The following TANGO6 variants were observed in gnomAD, a reference collection of about 807,000 sequenced individuals.
TANGO6 encodes transport and Golgi organization protein 6 homolog.
Under a neutral mutation model 114.2 loss-of-function variants are expected in TANGO6, and 90 were observed. The observed-to-expected ratio is 0.79, with a 90% CI of 0.66 to 0.94. The LOEUF (loss-of-function observed/expected upper bound fraction) is 0.94, where lower values mean the gene tolerates loss of function less well. Ranked by LOEUF, TANGO6 falls within the 40% of genes least tolerant of loss-of-function variation. The pLI is 0.00. For missense variants in TANGO6, 1,274 were observed against 1,315.3 expected (o/e 0.97, Z 0.49); for synonymous variants, 477 against 509.8 (o/e 0.94, Z 0.87).
chr16:68,987,073 A>G (rs1963899698), intron 15 of TANGO6, among the ~76,000 whole-genome samples: 2 of 152,216 alleles, frequency 1.3e-5, no homozygotes, highest in South Asian at 4.1e-4. Context: ...AGTTTTAAAC[A>G]GCTGCATATT....
intron 17 of TANGO6, among the ~76,000 whole-genome samples, chr16:69,068,789 C>G (rs1296103343): frequency 1.3e-5 from 2 of 152,214 alleles, no homozygotes; most frequent in Non-Finnish European, 2.9e-5. Flanking sequence ...TCTTGGCTCA[C>G]TGCAACCTCC....
At chr16:68,989,251 A>AT (rs1014722319) in intron 15 of TANGO6, among the ~76,000 whole-genome samples, 9 of 150,996 alleles carry the variant, frequency 6.0e-5, no homozygotes, top group African/African-American at 2.2e-4. Context: ...CATATATTAG[A>AT]TTTTTTTGTT....
At chr16:68,986,799 G>A (rs1455882426) in intron 15 of TANGO6, among the ~76,000 whole-genome samples, 3 of 152,076 alleles carry the variant, frequency 2.0e-5, no homozygotes, top group Non-Finnish European at 2.9e-5. Flanking sequence ...CAGCTACTCA[G>A]GAGGCTGAGG....
chr16:69,033,803 C>T (rs572033935), intron 16 of TANGO6: 1 of 153,064 alleles, frequency 6.5e-6, no homozygotes, highest in East Asian at 1.9e-4. Flanking sequence ...CTGTGGAACT[C>T]ACAGAGACAT....
At chr16:68,912,551 G>A (rs1000806834) in intron 11 of TANGO6, among the ~76,000 whole-genome samples, 62 of 152,098 alleles carry the variant, frequency 4.1e-4, no homozygotes, top group African/African-American at 1.4e-3. Flanking sequence ...GGAGAATTGC[G>A]TGAACTTGGG....
At chr16:68,844,180 G>T (rs1961768908) in intron 1 of TANGO6, among the ~76,000 whole-genome samples, 1 of 152,140 alleles carries the variant, frequency 6.6e-6, no homozygotes, top group Non-Finnish European at 1.5e-5. Context: ...AATGGGTTTG[G>T]GGAGAGTATT....
intron 17 of TANGO6, 106 bp downstream of exon 17, chr16:69,040,527 T>A: frequency 1.1e-6 from 1 of 883,052 alleles, no homozygotes; most frequent in Non-Finnish European, 1.8e-6. Context: ...CTCGATGGAT[T>A]CATCCAAATG....
At chr16:68,865,772 G>T (rs1348879856) in intron 3 of TANGO6, among the ~76,000 whole-genome samples, 3 of 131,402 alleles carry the variant, frequency 2.3e-5, no homozygotes, top group African/African-American at 9.1e-5. Context: ...AAAAAAAATA[G>T]CCTGGCATGG....
chr16:69,005,696 G>A (rs150860687), intron 15 of TANGO6, among the ~76,000 whole-genome samples: 224 of 151,804 alleles, frequency 1.5e-3, no homozygotes, highest in African/African-American at 4.8e-3. Flanking sequence ...GCTGAGGGAG[G>A]AGAATCACTT....
intron 11 of TANGO6, among the ~76,000 whole-genome samples, chr16:68,913,315 C>A (rs936440073): frequency 4.0e-5 from 6 of 151,508 alleles, no homozygotes; most frequent in Non-Finnish European, 8.8e-5. Flanking sequence ...GCCCTAGTAG[C>A]TGATCTAGCA....
intron 14 of TANGO6, among the ~76,000 whole-genome samples, chr16:68,967,448 C>T (rs1437941286): frequency 1.3e-5 from 2 of 152,242 alleles, no homozygotes; most frequent in African/African-American, 4.8e-5. Context: ...AGGCCATGCC[C>T]GGTAACAGTC....
At chr16:68,993,316 A>G (rs1963961581) in intron 15 of TANGO6, among the ~76,000 whole-genome samples, 1 of 152,216 alleles carries the variant, frequency 6.6e-6, no homozygotes, top group African/African-American at 2.4e-5. Flanking sequence ...TTGTCTTCTC[A>G]TCTCACTATT....
At chr16:68,873,261 G>A (rs2152166157) in intron 4 of TANGO6, among the ~76,000 whole-genome samples, 1 of 152,122 alleles carries the variant, frequency 6.6e-6, no homozygotes, top group Middle Eastern at 3.4e-3. Flanking sequence ...TGGTCTTTGT[G>A]TCTGGCTTCC....
chr16:69,047,471 G>T (rs1959881152), intron 17 of TANGO6, among the ~76,000 whole-genome samples: 2 of 151,910 alleles, frequency 1.3e-5, no homozygotes, highest in African/African-American at 2.4e-5. Flanking sequence ...CTCCAGCTTG[G>T]GTCCATCTCA....
intron 17 of TANGO6, among the ~76,000 whole-genome samples, chr16:69,078,171 G>A (rs1391301296): frequency 2.6e-5 from 4 of 152,176 alleles, no homozygotes; most frequent in African/African-American, 9.6e-5. Flanking sequence ...GAGGAGCTTT[G>A]TTCAGGCAAG....
chr16:68,866,599 C>T (rs1335417301), intron 3 of TANGO6, among the ~76,000 whole-genome samples: 9 of 145,564 alleles, frequency 6.2e-5, no homozygotes, highest in Admixed American at 1.4e-4. Flanking sequence ...GTCCGCAGTC[C>T]GGCCTGGGCG....
intron 7 of TANGO6, among the ~76,000 whole-genome samples, chr16:68,893,648 A>G (rs1289782275): frequency 6.8e-6 from 1 of 146,898 alleles, no homozygotes; most frequent in East Asian, 2.1e-4. Context: ...AGTCACGAGA[A>G]TTGGTTGAAC....
intron 16 of TANGO6, among the ~76,000 whole-genome samples, chr16:69,029,620 G>A (rs889579682): frequency 3.3e-5 from 5 of 152,088 alleles, no homozygotes. Context: ...GTAGAGGAAG[G>A]GAAACTGATC....
At chr16:69,082,898 G>T (rs1448081957) in intron 17 of TANGO6, among the ~76,000 whole-genome samples, 1 of 152,106 alleles carries the variant, frequency 6.6e-6, no homozygotes, top group Non-Finnish European at 1.5e-5. Flanking sequence ...TGGTCCTGAG[G>T]TCTCTGCCAT....
Sources: gnomAD v4.1 joint callset for allele counts (sites outside exome capture counted in the v4.1 genomes callset) on GRCh38, gnomAD v4.1.1 for gene constraint, MANE v1.5 for transcripts, NCBI Gene and HGNC (gene_info 2026-07-23, HGNC 2026-07-21) for gene names.